CALCR: variants seen among roughly 807,000 people sequenced by gnomAD.
CALCR encodes calcitonin receptor.
A neutral mutation model predicts 59.5 loss-of-function variants in CALCR; 47 were observed. The observed-to-expected ratio is 0.79, with a 90% CI of 0.63 to 1.01. CALCR has a LOEUF of 1.01. CALCR is among the 50% of genes least tolerant of loss of function. The probability of loss-of-function intolerance (pLI) is 0.00; values close to 1 mark genes in which losing one functional copy is unlikely to be tolerated. For synonymous variants in CALCR, 213 were observed against 211.3 expected (o/e 1.01, Z -0.07); for missense variants, 566 against 597.1 (o/e 0.95, Z 0.54).
In CALCR at chr7:93,477,724, A is replaced by G. The variant is rs1800697660; in HGVS notation, c.206-56T>C. The G allele has an allele frequency of 5.5e-6, 6 of 1,087,620 alleles. No homozygotes were observed. In the East Asian group the frequency reaches 1.4e-4, roughly 26 times the overall value. The allele number at this position is 1,087,620 out of a possible 1,614,324, so 67.4% of individuals were successfully genotyped here. A position where few individuals can be genotyped will look rare whatever the true frequency, so the allele number is the denominator to read the frequency against. Reference sequence around the variant, plus strand: ...GCCTTGTGGATTTAACTAAATGAGAAGATTGATCCCAAGACGATATTACAA... The same window carrying G: ...GCCTTGTGGATTTAACTAAATGAGAGGATTGATCCCAAGACGATATTACAA... On this transcript the variant is annotated intron_variant, in intron 4 of 13. Coordinates refer to ENST00000426151, the MANE Select transcript of CALCR (RefSeq NM_001742.4).
In CALCR at chr7:93,474,790, A is replaced by C. The variant is rs1456554341; in HGVS notation, c.317-2303T>G. 2.6e-5 allele frequency among the ~76,000 whole-genome samples: 4 copies of C among 151,796 alleles called. No individual in the cohort carries two copies. In the East Asian group the frequency reaches 5.8e-4, roughly 22 times the overall value. On this transcript the variant is annotated intron_variant, in intron 5 of 13. Transcript: ENST00000426151. ...AAATTTTAATCTTTGATCATTTCTCAGGGAAAATATTTTTGAAGCATTTTT... is the reference window on the plus strand; with the variant it reads ...AAATTTTAATCTTTGATCATTTCTCCGGGAAAATATTTTTGAAGCATTTTT...
intron 8 of CALCR, among the ~76,000 whole-genome samples, chr7:93,460,599 A>ATATATATATATATGTG (rs1800311958): frequency 1.5e-5 from 2 of 136,110 alleles, no homozygotes; most frequent in African/African-American, 5.7e-5. Context: ...ATATGTATAT[A>ATATATATATATATGTG]TATATATATA....
intron 5 of CALCR, among the ~76,000 whole-genome samples, chr7:93,473,313 A>G (rs1267072572): frequency 1.3e-5 from 2 of 151,794 alleles, no homozygotes; most frequent in Admixed American, 1.3e-4. Context: ...TGTTCTTCCC[A>G]TTTTATATAT....
At chr7:93,452,691 A>G (rs1800134286) in intron 8 of CALCR, among the ~76,000 whole-genome samples, 1 of 152,006 alleles carries the variant, frequency 6.6e-6, no homozygotes, top group Non-Finnish European at 1.5e-5. Flanking sequence ...TTAAAAACAA[A>G]CACTGGAGAA....
At chr7:93,500,126 C>T (rs928098121) in intron 2 of CALCR, among the ~76,000 whole-genome samples, 1 of 151,632 alleles carries the variant, frequency 6.6e-6, no homozygotes, top group Non-Finnish European at 1.5e-5. Context: ...AGTGGAAGAG[C>T]TCTAATTAAA....
At chr7:93,563,767 CT>C (rs1379521171) in intron 2 of CALCR, among the ~76,000 whole-genome samples, 2 of 152,188 alleles carry the variant, frequency 1.3e-5, no homozygotes, top group Non-Finnish European at 2.9e-5. Context: ...AACGAGCACA[CT>C]TCCCTTTTCT....
In CALCR at chr7:93,436,027, G is replaced by T; in HGVS notation, c.1074C>A (p.Val358=). Residue 358 remains valine (V), a synonymous_variant, in exon 12 of 14, where the codon GTC becomes GTA. Transcript: ENST00000426151. ...LVPLLGIQFV[V]FPWRPSNKML... ...TCTTGTTGGAAGGTCTCCAGGGAAA[G>T]ACGACAAACTGGATTCCCAGCAGGG... The T allele has an allele frequency of 6.2e-7, 1 of 1,613,814 alleles. No homozygotes were observed. Among genetic ancestry groups the T allele is most frequent in the Non-Finnish European group, 8.5e-7 (1 of 1,179,744 alleles).
intron 2 of CALCR, among the ~76,000 whole-genome samples, chr7:93,519,512 A>G (rs1016126354): frequency 1.3e-5 from 2 of 152,116 alleles, no homozygotes; most frequent in Non-Finnish European, 2.9e-5. Context: ...AGATAAATAC[A>G]TATAAAATAT....
chr7:93,554,682 G>A (rs1015634836), intron 2 of CALCR, among the ~76,000 whole-genome samples: 5 of 150,238 alleles, frequency 3.3e-5, no homozygotes, highest in East Asian at 2.0e-4. Context: ...TAAGCATTAC[G>A]TTCCAAAGGG....
chr7:93,503,407 A>AACACACACACACAC (rs112593093), intron 2 of CALCR, among the ~76,000 whole-genome samples: 10 of 150,850 alleles, frequency 6.6e-5, no homozygotes, highest in Non-Finnish European at 1.5e-4. Flanking sequence ...AATAATTAGA[A>AACACACACACACAC]ACACACACAC....
intron 6 of CALCR, among the ~76,000 whole-genome samples, chr7:93,471,360 A>G (rs1393053412): frequency 6.6e-6 from 1 of 151,848 alleles, no homozygotes; most frequent in African/African-American, 2.4e-5. Flanking sequence ...TGACTAAACC[A>G]TTTGTAAAGA....
At chr7:93,439,468 C>T (rs1031422591) in intron 9 of CALCR, among the ~76,000 whole-genome samples, 3 of 152,228 alleles carry the variant, frequency 2.0e-5, no homozygotes, top group Admixed American at 6.5e-5. Flanking sequence ...TGAATCCCAC[C>T]TCATCATTTT....
intron 2 of CALCR, among the ~76,000 whole-genome samples, chr7:93,571,296 G>A (rs184877702): frequency 5.3e-5 from 8 of 152,074 alleles, no homozygotes; most frequent in Middle Eastern, 3.4e-3. Context: ...TACTAGACAC[G>A]ACATCCTTGA....
chr7:93,489,731 G>A (rs1041239368), intron 2 of CALCR, among the ~76,000 whole-genome samples: 2 of 151,904 alleles, frequency 1.3e-5, no homozygotes, highest in African/African-American at 4.8e-5. Context: ...GCCCTGAATA[G>A]ACCAATAGCA....
intron 2 of CALCR, among the ~76,000 whole-genome samples, chr7:93,538,750 C>T (rs1465673196): frequency 6.6e-6 from 1 of 152,006 alleles, no homozygotes; most frequent in Non-Finnish European, 1.5e-5. Flanking sequence ...GTGTGCTATA[C>T]CTCCTAGAGC....
intron 13 of CALCR, among the ~76,000 whole-genome samples, chr7:93,432,050 T>C (rs1799669914): frequency 6.6e-6 from 1 of 152,230 alleles, no homozygotes; most frequent in Non-Finnish European, 1.5e-5. Context: ...TCCTGATTTC[T>C]ATTACTTTAA....
intron 2 of CALCR, chr7:93,495,840 G>A (rs977597779): frequency 1.4e-5 from 19 of 1,318,484 alleles, no homozygotes; most frequent in Admixed American, 8.3e-5. Flanking sequence ...ACCATTGTAA[G>A]AGGTTCAGTT....
rs759124709 is a variant in CALCR at position 93,477,548 on chromosome 7, A to G, written c.316+10T>C. 6 of 1,559,136 alleles carry G rather than the reference A, an allele frequency of 3.8e-6. No individual in the cohort carries two copies. The highest frequency in any genetic ancestry group is 5.3e-6 in the Non-Finnish European group (6 of 1,132,098). On this transcript the variant is annotated intron_variant, in intron 5 of 13. Transcript: ENST00000426151. ...ATAGCAAGAACATAAAATGAAAATA[A>G]ACACTCTACCTGATGGATCAAAATC... is the stretch of plus-strand genomic sequence containing the variant.
In CALCR at chr7:93,506,568, G is replaced by A. The variant is rs180966027; in HGVS notation, c.-26-19561C>T. Among the ~76,000 whole-genome samples the A allele has an allele frequency of 2.1e-4, 32 of 151,884 alleles. No homozygotes were observed. The East Asian group carries it at 6.2e-3, about 30-fold the overall frequency. The stretch of plus-strand genomic sequence containing the variant: ...CCCTGTAGAAAACAAACAGGATTCT[G>A]TTGTTATAACACGCTACCAAATATC... On this transcript the variant is annotated intron_variant, in intron 2 of 13. Transcript: ENST00000426151.
Sources: allele counts gnomAD v4.1 joint callset (sites outside exome capture counted in the v4.1 genomes callset), GRCh38; gene constraint gnomAD v4.1.1; transcripts MANE v1.5; gene names NCBI Gene and HGNC (gene_info 2026-07-23, HGNC 2026-07-21).